BCL2L11: variants seen among roughly 807,000 people sequenced by gnomAD.
BCL2L11 encodes bcl-2-like protein 11.
Under a neutral mutation model 20.6 loss-of-function variants are expected in BCL2L11, and 15 were observed. That is an observed-to-expected ratio of 0.73 (90% CI 0.49 to 1.12). BCL2L11 has a LOEUF of 1.12. BCL2L11 is among the 50% of genes most tolerant of loss of function. The pLI, the probability that BCL2L11 is intolerant of heterozygous loss-of-function variation, is 0.00. For missense variants in BCL2L11, 292 were observed against 260.9 expected (o/e 1.12, Z -0.82); for synonymous variants, 108 against 92.8 (o/e 1.16, Z -0.94).
chr2:111,143,580 C>T (rs983039699), intron 2 of BCL2L11, among the ~76,000 whole-genome samples: 1 of 152,148 alleles, frequency 6.6e-6, no homozygotes, highest in Admixed American at 6.5e-5. Flanking sequence ...TGTTCTTCAG[C>T]GAGGACAGCA....
At chr2:111,146,171 T>G in intron 2 of BCL2L11, 1 of 985,338 alleles carries the variant, frequency 1.0e-6, no homozygotes, top group Non-Finnish European at 1.2e-6. Context: ...AAAATGCAGC[T>G]CATCAGAATT....
intron 2 of BCL2L11, among the ~76,000 whole-genome samples, chr2:111,133,624 C>G (rs924531265): frequency 6.6e-6 from 1 of 152,072 alleles, no homozygotes; most frequent in Non-Finnish European, 1.5e-5. Context: ...AGAATTTGTT[C>G]TGTAGCTCAG....
chr2:111,154,022 A>G (rs898537730), intron 3 of BCL2L11: 27 of 1,164,594 alleles, frequency 2.3e-5, no homozygotes, highest in Non-Finnish European at 3.0e-5. Context: ...TTACTACTCC[A>G]GTGGATTTTG....
At position 111,151,810 on chromosome 2, in the gene BCL2L11, T is replaced by C. The variant is rs778113020; in HGVS notation, c.498+1663T>C. ...TGATGGACTTAAGAATTTCTTAAAATACTGTCTTAAGCTGGCAAAACTCCT... is the reference window on the plus strand; with the variant it reads ...TGATGGACTTAAGAATTTCTTAAAACACTGTCTTAAGCTGGCAAAACTCCT... On this transcript the variant is annotated intron_variant, in intron 3 of 3. Transcript: ENST00000393256. The C allele has an allele frequency of 4.6e-6, 7 of 1,533,640 alleles. No individual in the cohort carries two copies. In the South Asian group the frequency reaches 4.8e-5, roughly 10 times the overall value.
intron 2 of BCL2L11, among the ~76,000 whole-genome samples, chr2:111,138,621 G>A (rs1356382515): frequency 1.3e-5 from 2 of 152,156 alleles, no homozygotes; most frequent in East Asian, 1.9e-4. Context: ...CTCTTTTGGG[G>A]TCTGCCTTTT....
intron 2 of BCL2L11, among the ~76,000 whole-genome samples, chr2:111,143,741 C>T (rs1313823705): frequency 6.6e-6 from 1 of 152,148 alleles, no homozygotes; most frequent in Non-Finnish European, 1.5e-5. Flanking sequence ...GATCACAGCT[C>T]AGTCTGGGTT....
chr2:111,122,552 C>T lies in BCL2L11; in HGVS notation c.-13-1181C>T, dbSNP rs1481699473. ...GCGGCGCGGAGCGACCGCGCGCGGACCAATTGGGAACGCGGGCACCCGGCG... is the reference window on the plus strand; with the variant it reads ...GCGGCGCGGAGCGACCGCGCGCGGATCAATTGGGAACGCGGGCACCCGGCG... On this transcript the variant is annotated intron_variant, in intron 1 of 3. Coordinates refer to ENST00000393256, the MANE Select transcript of BCL2L11 (RefSeq NM_138621.5). 1.3e-5 allele frequency: 12 copies of T among 952,542 alleles called. No homozygotes were observed. In the Admixed American group the frequency reaches 5.6e-4, roughly 44 times the overall value. 59.0% of individuals were successfully genotyped at this position (952,542 alleles called of 1,614,324 possible).
At chr2:111,124,248 C>A (rs956738737) in intron 2 of BCL2L11, 109 bp downstream of exon 2, 1 of 1,303,390 alleles carries the variant, frequency 7.7e-7, no homozygotes, top group Non-Finnish European at 1.0e-6. Flanking sequence ...CTGATTTATT[C>A]CATCTTTAGA....
intron 2 of BCL2L11, among the ~76,000 whole-genome samples, chr2:111,148,717 C>T (rs532875310): frequency 6.6e-6 from 1 of 152,256 alleles, no homozygotes; most frequent in African/African-American, 2.4e-5. Flanking sequence ...CGGTGTGTGT[C>T]CCTCTTACCC....
intron 2 of BCL2L11, chr2:111,146,249 T>G (rs935950026): frequency 1.6e-5 from 16 of 980,834 alleles, no homozygotes; most frequent in Non-Finnish European, 1.9e-5. Flanking sequence ...CCCTACAGAG[T>G]AAGAGCTTTC....
intron 2 of BCL2L11, among the ~76,000 whole-genome samples, chr2:111,138,936 T>TA (rs2075362915): frequency 6.6e-6 from 1 of 152,136 alleles, no homozygotes; most frequent in Non-Finnish European, 1.5e-5. Flanking sequence ...ACAGGAATCT[T>TA]TCCTTGCCCC....
At chr2:111,145,919 T>G (rs921393182) in intron 2 of BCL2L11, 23 of 888,946 alleles carry the variant, frequency 2.6e-5, no homozygotes, top group South Asian at 5.1e-5. Flanking sequence ...TTAGTGGCTT[T>G]CTTTTTTTTT....
intron 3 of BCL2L11, chr2:111,161,699 A>G (rs975310041): frequency 1.2e-5 from 12 of 1,023,678 alleles, no homozygotes; most frequent in African/African-American, 4.9e-5. Context: ...TGACTTTCCA[A>G]TTCCATCTTG....
chr2:111,142,424 T>G, intron 2 of BCL2L11: 1 of 1,514,494 alleles, frequency 6.6e-7, no homozygotes, highest in Non-Finnish European at 9.0e-7. Context: ...CAAAATGGGA[T>G]AAAAAGAAGC....
intron 2 of BCL2L11, among the ~76,000 whole-genome samples, chr2:111,127,235 A>G (rs2072835324): frequency 2.0e-5 from 3 of 152,058 alleles, no homozygotes; most frequent in Admixed American, 2.0e-4. Flanking sequence ...TTTATGCCAT[A>G]TGTGTTTTTA....
At chr2:111,147,145 T>TAA (rs2076624865) in intron 2 of BCL2L11, among the ~76,000 whole-genome samples, 1 of 152,178 alleles carries the variant, frequency 6.6e-6, no homozygotes, top group Non-Finnish European at 1.5e-5. Context: ...AATTCCAGTA[T>TAA]AAGCCTAGTC....
intron 2 of BCL2L11, among the ~76,000 whole-genome samples, chr2:111,149,348 C>T (rs1371541002): frequency 6.6e-6 from 1 of 152,144 alleles, no homozygotes; most frequent in African/African-American, 2.4e-5. Flanking sequence ...CTTCTCCTTT[C>T]AAAAATGCCT....
At chr2:111,141,588 A>G (rs1384740542) in intron 2 of BCL2L11, among the ~76,000 whole-genome samples, 1 of 151,618 alleles carries the variant, frequency 6.6e-6, no homozygotes, top group Non-Finnish European at 1.5e-5. Context: ...TGGGTGCAGC[A>G]CACCAGCATG....
chr2:111,131,036 A>C (rs1261354056), intron 2 of BCL2L11, among the ~76,000 whole-genome samples: 1 of 152,026 alleles, frequency 6.6e-6, no homozygotes, highest in Non-Finnish European at 1.5e-5. Flanking sequence ...ATTTGCGCCT[A>C]AGTTCTTGAG....
Sources: gnomAD v4.1 joint callset for allele counts (sites outside exome capture counted in the v4.1 genomes callset) on GRCh38, gnomAD v4.1.1 for gene constraint, MANE v1.5 for transcripts, NCBI Gene and HGNC (gene_info 2026-07-23, HGNC 2026-07-21) for gene names.